Variants in PCDHGA1 observed in about 807,000 individuals in gnomAD.
PCDHGA1 encodes the protein protocadherin gamma-A1.
PCDHGA1 carries 32 observed loss-of-function variants against 58.0 expected under a neutral mutation model. That is an observed-to-expected ratio of 0.55 (90% CI 0.42 to 0.74). The LOEUF is 0.74. Ranked by LOEUF, PCDHGA1 falls within the 30% of genes least tolerant of loss-of-function variation. The pLI is 0.00. For synonymous variants in PCDHGA1, 498 were observed against 501.1 expected (o/e 0.99, Z 0.08); for missense variants, 1,205 against 1,182.3 (o/e 1.02, Z -0.28).
At chr5:141,338,463 C>T (rs1042130813) in intron 1 of PCDHGA1, among the ~76,000 whole-genome samples, 3 of 152,166 alleles carry the variant, frequency 2.0e-5, no homozygotes, top group Admixed American at 2.0e-4. Flanking sequence ...ATGTTTGGAG[C>T]AAGGGCAGTG....
chr5:141,398,832 C>T (rs967769671), intron 1 of PCDHGA1: 3 of 1,614,000 alleles, frequency 1.9e-6, no homozygotes, highest in Non-Finnish European at 1.7e-6. Flanking sequence ...TAACCGACGC[C>T]AATGATAATC....
intron 1 of PCDHGA1, chr5:141,393,162 T>C (rs771570808): frequency 3.1e-6 from 5 of 1,613,142 alleles, no homozygotes; most frequent in Admixed American, 1.7e-5. Context: ...AGGAAAACTC[T>C]TTGGGGTAGA....
At chr5:141,336,636 C>G (rs2149717692) in intron 1 of PCDHGA1, among the ~76,000 whole-genome samples, 1 of 152,142 alleles carries the variant, frequency 6.6e-6, no homozygotes, top group East Asian at 1.9e-4. Context: ...TATTCAGAAG[C>G]AATAAAACCC....
At chr5:141,466,898 A>G (rs1029507733) in intron 1 of PCDHGA1, among the ~76,000 whole-genome samples, 1 of 152,170 alleles carries the variant, frequency 6.6e-6, no homozygotes, top group African/African-American at 2.4e-5. Context: ...TTTTCCATGA[A>G]GTTTTTGAAA....
intron 1 of PCDHGA1, among the ~76,000 whole-genome samples, chr5:141,436,292 G>T (rs2097808605): frequency 6.6e-6 from 1 of 152,158 alleles, no homozygotes; most frequent in Non-Finnish European, 1.5e-5. Context: ...ACAAATCATT[G>T]AGAGTTAGAG....
intron 1 of PCDHGA1, chr5:141,355,314 G>C: frequency 6.2e-7 from 1 of 1,613,954 alleles, no homozygotes; most frequent in Non-Finnish European, 8.5e-7. Context: ...TGTTTGAGGA[G>C]CAGGAAGAAG....
At chr5:141,343,879 G>A (rs943509618) in intron 1 of PCDHGA1, 2 of 624,420 alleles carry the variant, frequency 3.2e-6, no homozygotes, top group African/African-American at 3.7e-5. Flanking sequence ...AGACTCAGAA[G>A]ATCCGGGGCG....
At chr5:141,359,184 A>G (rs984361928) in intron 1 of PCDHGA1, among the ~76,000 whole-genome samples, 1 of 152,202 alleles carries the variant, frequency 6.6e-6, no homozygotes, top group Non-Finnish European at 1.5e-5. Flanking sequence ...AGCAGAAAGC[A>G]GAAATAACAA....
intron 1 of PCDHGA1, chr5:141,396,354 C>T (rs1285916157): frequency 6.6e-6 from 1 of 152,456 alleles, no homozygotes; most frequent in East Asian, 1.9e-4. Context: ...TGCGGTGGCT[C>T]ACGCCTGTAA....
At position 141,415,772 on chromosome 5, in the gene PCDHGA1, T is replaced by A. The variant is rs540545854; in HGVS notation, c.2422-79035T>A. On this transcript the variant is annotated intron_variant, in intron 1 of 3. Coordinates refer to ENST00000517417, the MANE Select transcript of PCDHGA1 (RefSeq NM_018912.3). ...TTTTTTTTTTTTTTTTTTTTTTTTT[T>A]ACTTTCTGGTAAAATTCACCTAGTC... is the stretch of plus-strand genomic sequence containing the variant. 5,409 of 1,336,512 alleles carry A rather than the reference T, an allele frequency of 4.0e-3. 27 individuals carry two copies. The highest frequency in any genetic ancestry group is 7.3e-3 in the Admixed American group (200 of 27,462). 82.8% of individuals were successfully genotyped at this position (1,336,512 alleles called of 1,614,324 possible).
At chr5:141,480,703 C>T (rs577131684) in intron 1 of PCDHGA1, among the ~76,000 whole-genome samples, 10 of 152,252 alleles carry the variant, frequency 6.6e-5, no homozygotes, top group Admixed American at 1.3e-4. Flanking sequence ...GGCCACACCC[C>T]GACAAATGAA....
At chr5:141,408,914 A>C in intron 1 of PCDHGA1, 1 of 1,613,446 alleles carries the variant, frequency 6.2e-7, no homozygotes, top group Non-Finnish European at 8.5e-7. Context: ...TACCAATGAT[A>C]ACCCCCCGGT....
chr5:141,348,325 A>T (rs1372797217), intron 1 of PCDHGA1, among the ~76,000 whole-genome samples: 2 of 152,258 alleles, frequency 1.3e-5, no homozygotes, highest in African/African-American at 4.8e-5. Context: ...ACAGAATTTA[A>T]AAGGCCCATA....
chr5:141,384,352 G>T, intron 1 of PCDHGA1: 1 of 1,613,842 alleles, frequency 6.2e-7, no homozygotes, highest in Non-Finnish European at 8.5e-7. Flanking sequence ...TGAGGATAAT[G>T]CCCAGATCAC....
At position 141,383,863 on chromosome 5, in the gene PCDHGA1, C is replaced by G. The variant is rs768251798; in HGVS notation, c.2421+50758C>G. ...CTTCTATGAAATGGAGGTTCAGGCT[C>G]AAGATGGTCCTGGTAGTCTGACAAA... On this transcript the variant is annotated intron_variant, in intron 1 of 3. Coordinates refer to ENST00000517417, the MANE Select transcript of PCDHGA1 (RefSeq NM_018912.3). 4.3e-6 allele frequency: 7 copies of G among 1,613,772 alleles called. No homozygotes were observed. Among genetic ancestry groups the G allele is most frequent in the African/African-American group, 2.7e-5 (2 of 74,914 alleles).
intron 1 of PCDHGA1, chr5:141,352,409 C>T: frequency 6.2e-7 from 1 of 1,614,046 alleles, no homozygotes; most frequent in African/African-American, 1.3e-5. Flanking sequence ...TTCCTCCAGC[C>T]TCGACACTGA....
At chr5:141,427,958 G>A (rs1266312663) in intron 1 of PCDHGA1, 3 of 1,588,290 alleles carry the variant, frequency 1.9e-6, no homozygotes, top group Admixed American at 1.7e-5. Context: ...ACAATGTGCC[G>A]CGGGTGCTGT....
chr5:141,390,855 A>G (rs941626765), intron 1 of PCDHGA1: 5 of 156,986 alleles, frequency 3.2e-5, no homozygotes, highest in African/African-American at 1.0e-4. Context: ...TATGCAGTGT[A>G]CGCTGTGTGT....
intron 1 of PCDHGA1, chr5:141,364,386 T>A (rs543592741): frequency 6.3e-7 from 1 of 1,592,172 alleles, no homozygotes; most frequent in South Asian, 1.1e-5. Context: ...CCCTTCATGC[T>A]CCTGGGGACG....
Sources: allele counts gnomAD v4.1 joint callset (sites outside exome capture counted in the v4.1 genomes callset), GRCh38; gene constraint gnomAD v4.1.1; transcripts MANE v1.5; gene names NCBI Gene and HGNC (gene_info 2026-07-23, HGNC 2026-07-21).